OBSL1: variants seen among roughly 807,000 people sequenced by gnomAD.
The protein encoded by OBSL1 is obscurin like cytoskeletal adaptor 1, also known as obscurin-like protein 1.
OBSL1 carries 160 observed loss-of-function variants against 172.0 expected under a neutral mutation model. The observed-to-expected ratio is 0.93, with a 90% confidence interval of 0.82 to 1.06. OBSL1 has a LOEUF of 1.06. Ranked by LOEUF, OBSL1 falls within the 50% of genes least tolerant of loss-of-function variation. The pLI, the probability that OBSL1 is intolerant of heterozygous loss-of-function variation, is 0.00. For synonymous variants in OBSL1, 1,200 were observed against 1,196.3 expected (o/e 1.00, Z -0.06); for missense variants, 2,681 against 2,715.4 (o/e 0.99, Z 0.28).
intron 9 of OBSL1, 47 bp from the exon 10 acceptor site, chr2:219,558,506 C>T (rs1696211801): frequency 6.7e-7 from 1 of 1,493,524 alleles, no homozygotes; most frequent in African/African-American, 1.4e-5. Context: ...GCCAGCAGGC[C>T]TCTCCTGCCT....
rs1374131088 is a variant in OBSL1, at chr2:219,552,991, G to A, written c.5023C>T (p.Arg1675Trp). ...CGGCGCGTGCCGAGGGCCTGGAGCC[G>A]GAGCCGCGGGCTAGGCGTAAGCGCG... ...GNALTPSPRL[R>W]LQALGTRRLL... Residue 1675 changes from arginine to tryptophan, a missense_variant, in exon 17 of 21, where the codon CGG becomes TGG. This residue lies in a region of OBSL1 where 1,765 missense variants were observed against 1,748.3 expected (regional missense o/e 1.01). Coordinates refer to ENST00000404537, the MANE Select transcript of OBSL1 (RefSeq NM_015311.3). 1.3e-6 allele frequency: 2 copies of A among 1,527,114 alleles called. No individual in the cohort carries two copies. The highest frequency in any genetic ancestry group is 8.8e-7 in the Non-Finnish European group (1 of 1,142,008). 94.6% of individuals were successfully genotyped at this position (1,527,114 alleles called of 1,614,324 possible).
At chr2:219,570,145 C>T in intron 1 of OBSL1, 76 bp downstream of exon 1, 3 of 1,307,732 alleles carry the variant, frequency 2.3e-6, no homozygotes, top group Non-Finnish European at 1.0e-6. Context: ...CAGCGCTGGG[C>T]ACCGAGGAGG....
rs1237430328 is a variant in OBSL1 at position 219,553,027 on chromosome 2, A to G, written c.4990-3T>C. On this transcript the variant is annotated splice_region_variant and splice_polypyrimidine_tract_variant and intron_variant, in intron 16 of 20. Transcript: ENST00000404537. ...CTAGGCGTAAGCGCGTTCCCGTCCT[A>G]GGGGCGGGAGTTGCAGAGGGTCGGG... The G allele has an allele frequency of 6.7e-7, 1 of 1,501,032 alleles. No individual in the cohort carries two copies. Among genetic ancestry groups the G allele is most frequent in the South Asian group, 1.3e-5 (1 of 78,766 alleles). The allele number at this position is 1,501,032 out of a possible 1,614,324, so 93.0% of individuals were successfully genotyped here.
Position 219,556,610 on chromosome 2 carries a change from G to C in OBSL1, c.4180C>G (p.Arg1394Gly), listed in dbSNP as rs774897790. 9 of 1,613,972 alleles carry C rather than the reference G, an allele frequency of 5.6e-6. No individual in the cohort carries two copies. The highest frequency in any genetic ancestry group is 7.6e-6 in the Non-Finnish European group (9 of 1,179,890). Residue 1394 changes from arginine (R) to glycine (G), a missense_variant, in exon 13 of 21, where the codon CGC (arginine) becomes GGC (glycine). Physicochemically the swap from Arg to Gly is moderately radical, Grantham distance 125 (BLOSUM62 -2). This residue lies in a region of OBSL1 where 1,765 missense variants were observed against 1,748.3 expected (regional missense o/e 1.01). Coordinates refer to ENST00000404537, the MANE Select transcript of OBSL1 (RefSeq NM_015311.3). ...CCTGGAGTGACGACGGCCCCATTGC[G>C]CAGCCAGGTGACATCGGCATCTGGT... ...SPPDADVTWL[R>G]NGAVVTPGPQ... is the part of the protein sequence containing the mutation.
chr2:219,554,568 G>A lies in OBSL1; in HGVS notation c.4782C>T (p.His1594=). 6.2e-7 allele frequency: 1 copy of A among 1,613,470 alleles called. No individual in the cohort carries two copies. Among genetic ancestry groups the A allele is most frequent in the South Asian group, 1.1e-5 (1 of 91,078 alleles). ...KCHIHSDGHR[H]RLVLNGLGLA... is the part of the protein sequence containing the mutation. ...GGCCCAGGCCATTGAGTACCAGTCG[G>A]TGACGGTGGCCGTCCGAGTGGATGT... Residue 1594 remains histidine, a synonymous_variant, in exon 15 of 21, where the codon CAC becomes CAT. Transcript: ENST00000404537.
chr2:219,571,208 C>T lies in OBSL1; in HGVS notation c.25G>A (p.Gly9Arg), dbSNP rs1172088321. Residue 9 changes from glycine (G) to arginine (R), a missense_variant, in exon 1 of 21, where the codon GGG becomes AGG. Around this residue, in one of 5 missense-constraint regions of OBSL1, gnomAD observed 90 missense variants for 76.6 expected, o/e 1.18. Coordinates refer to ENST00000404537, the MANE Select transcript of OBSL1 (RefSeq NM_015311.3). Reference sequence around the variant, plus strand: ...AAGCGCAGGAAGCACGGGGGGCTCCCCTGATCCCCCGAGCTCGCCTTCATC... The same window carrying T: ...AAGCGCAGGAAGCACGGGGGGCTCCTCTGATCCCCCGAGCTCGCCTTCATC... The part of the protein sequence containing the change: MKASSGDQ[G>R]SPPCFLRFPR... The T allele has an allele frequency of 1.4e-6, 2 of 1,425,760 alleles. No homozygotes were observed. The highest frequency in any genetic ancestry group is 1.5e-5 in the African/African-American group (1 of 68,508). The allele number at this position is 1,425,760 out of a possible 1,614,324, so 88.3% of individuals were successfully genotyped here. A position where few individuals can be genotyped will look rare whatever the true frequency, so the allele number is the denominator to read the frequency against.
downstream of OBSL1, chr2:219,547,395 G>T (rs866298608): frequency 5.9e-5 from 50 of 849,030 alleles, no homozygotes; most frequent in South Asian, 4.4e-4. Flanking sequence ...TCTGATCTTA[G>T]TGTCTTTGTC....
chr2:219,557,378 G>T lies in OBSL1; in HGVS notation c.4031C>A (p.Pro1344His). ...GDAGEYLCDAPQDSRIFLVSV... is the reference protein window; with the variant it reads ...GDAGEYLCDAHQDSRIFLVSV... Reference sequence around the variant, plus strand: ...GACAAGGAAGATGCGGCTGTCCTGGGGCGCATCGCACAGGTACTCCCCAGC... The same window carrying T: ...GACAAGGAAGATGCGGCTGTCCTGGTGCGCATCGCACAGGTACTCCCCAGC... The change falls in exon 12 of 21, where the codon CCC becomes CAC. Residue 1344 changes from proline to histidine, a missense_variant. Around this residue, in one of 5 missense-constraint regions of OBSL1, gnomAD observed 1,765 missense variants for 1,748.3 expected, o/e 1.01. Coordinates refer to ENST00000404537, the MANE Select transcript of OBSL1 (RefSeq NM_015311.3). 1 of 1,530,628 alleles carries T rather than the reference G, an allele frequency of 6.5e-7. No individual in the cohort carries two copies. Among genetic ancestry groups the T allele is most frequent in the Non-Finnish European group, 8.8e-7 (1 of 1,135,438 alleles). The allele number at this position is 1,530,628 out of a possible 1,614,324, so 94.8% of individuals were successfully genotyped here. A position where few individuals can be genotyped will look rare whatever the true frequency, so the allele number is the denominator to read the frequency against.
chr2:219,551,120 C>T lies in OBSL1; in HGVS notation c.5684-278G>A, dbSNP rs537272397. On this transcript the variant is annotated intron_variant, in intron 20 of 20. Coordinates refer to ENST00000404537, the MANE Select transcript of OBSL1 (RefSeq NM_015311.3). ...AGAAAGAGGCTTCTGCCAAGGCTGA[C>T]ATGGAACTTGCTGAGATGGGCAGAG... The T allele has an allele frequency of 1.4e-4, 199 of 1,400,192 alleles. 4 individuals carry two copies. In the South Asian group the frequency reaches 3.0e-3, roughly 21 times the overall value. 86.7% of individuals were successfully genotyped at this position (1,400,192 alleles called of 1,614,324 possible).
chr2:219,570,356 G>A lies in OBSL1; in HGVS notation c.877C>T (p.Leu293Phe). ...CCGCCGTCGCGGTCGCGGTACATGA[G>A]GCGGCGGCGGTCCGGGAGCAGCGGG... ...GRPLLPDRRR[L>F]MYRDRDGGFV... The change falls in exon 1 of 21, where the codon CTC becomes TTC. Residue 293 changes from leucine to phenylalanine, a missense_variant. By Grantham distance (22) the Leu-to-Phe change is conservative. Around this residue, in one of 5 missense-constraint regions of OBSL1, gnomAD observed 706 missense variants for 695.8 expected, o/e 1.01. Coordinates refer to ENST00000404537, the MANE Select transcript of OBSL1 (RefSeq NM_015311.3). 6.2e-7 allele frequency: 1 copy of A among 1,612,860 alleles called. No homozygotes were observed.
intron 8 of OBSL1, chr2:219,562,026 C>T (rs1696514309): frequency 1.4e-6 from 1 of 717,322 alleles, no homozygotes; most frequent in Non-Finnish European, 2.6e-6. Flanking sequence ...CCAAACAAAG[C>T]ACATGTGTGG....
rs555866704 is a variant in OBSL1, at chr2:219,555,132, C to T, written c.4610-392G>A. On this transcript the variant is annotated intron_variant, in intron 14 of 20. Coordinates refer to ENST00000404537, the MANE Select transcript of OBSL1 (RefSeq NM_015311.3). ...TGACCTCTCTGGACCCCAGTTGCCC[C>T]AGCTGTACAAGGTGAATAACATTGG... 2.7e-5 allele frequency: 6 copies of T among 223,800 alleles called. No individual in the cohort carries two copies. In the South Asian group the frequency reaches 3.7e-4, roughly 14 times the overall value. The allele number at this position is 223,800 out of a possible 1,614,324, so 13.9% of individuals were successfully genotyped here.
In OBSL1 at chr2:219,563,482, G is replaced by T; in HGVS notation, c.2553C>A (p.Asp851Glu). ...YKDGQEVEES[D>E]FVVLENEGPH... The stretch of plus-strand genomic sequence containing the variant: ...GCCCCTCATTCTCCAGCACCACGAA[G>T]TCACTCTCCTCCACCTCCTGCCCGT... The change falls in exon 7 of 21, where the codon GAC becomes GAA. Residue 851 changes from aspartate (D) to glutamate (E), a missense_variant. By Grantham distance (45) the Asp-to-Glu change is conservative. Around this residue, in one of 5 missense-constraint regions of OBSL1, gnomAD observed 1,765 missense variants for 1,748.3 expected, o/e 1.01. Coordinates refer to ENST00000404537, the MANE Select transcript of OBSL1 (RefSeq NM_015311.3). 2.5e-6 allele frequency: 4 copies of T among 1,613,930 alleles called. No individual in the cohort carries two copies. The South Asian group carries it at 4.4e-5, about 18-fold the overall frequency.
chr2:219,558,114 G>A lies in OBSL1; in HGVS notation c.3503-4C>T. On this transcript the variant is annotated splice_region_variant and splice_polypyrimidine_tract_variant and intron_variant, in intron 10 of 20. Coordinates refer to ENST00000404537, the MANE Select transcript of OBSL1 (RefSeq NM_015311.3). ...GCAAGGAACTGCACTGGAGGCTCTG[G>A]AGAAGAGAGGAAGGTGTCATCCCAT... 1 of 1,613,128 alleles carries A rather than the reference G, an allele frequency of 6.2e-7. No individual in the cohort carries two copies. The highest frequency in any genetic ancestry group is 8.5e-7 in the Non-Finnish European group (1 of 1,179,546).
chr2:219,570,674 C>G lies in OBSL1; in HGVS notation c.559G>C (p.Gly187Arg), dbSNP rs1295872822. Residue 187 changes from glycine (G) to arginine (R), a missense_variant, in exon 1 of 21, where the codon GGC becomes CGC. By Grantham distance (125) the Gly-to-Arg change is moderately radical. Coordinates refer to ENST00000404537, the MANE Select transcript of OBSL1 (RefSeq NM_015311.3). ...FALQPGRAED[G>R]PGASLALRIL... ...CGCAGTGCCAGGCTCGCGCCGGGGC[C>G]GTCCTCGGCGCGGCCCGGCTGGAGC... 6 of 1,508,018 alleles carry G rather than the reference C, an allele frequency of 4.0e-6. No homozygotes were observed. In the South Asian group the frequency reaches 4.9e-5, roughly 12 times the overall value. The allele number at this position is 1,508,018 out of a possible 1,614,324, so 93.4% of individuals were successfully genotyped here. A position where few individuals can be genotyped will look rare whatever the true frequency, so the allele number is the denominator to read the frequency against.
At position 219,552,669 on chromosome 2, in the gene OBSL1, C is replaced by G; in HGVS notation, c.5175G>C (p.Leu1725=). Reference sequence around the variant, plus strand: ...CGCCTTCGCGGGCGCTCACCGACCGCAGCTCGGAGAGTACCGCCACAGTAC... The same window carrying G: ...CGCCTTCGCGGGCGCTCACCGACCGGAGCTCGGAGAGTACCGCCACAGTAC... ...RERTVAVLSE[L]RSVSAREGDG... The change falls in exon 18 of 21, where the codon CTG becomes CTC. Residue 1725 remains leucine, a synonymous_variant. Coordinates refer to ENST00000404537, the MANE Select transcript of OBSL1 (RefSeq NM_015311.3). 1 of 1,537,908 alleles carries G rather than the reference C, an allele frequency of 6.5e-7. No individual in the cohort carries two copies. Among genetic ancestry groups the G allele is most frequent in the Non-Finnish European group, 8.7e-7 (1 of 1,145,748 alleles).
intron 9 of OBSL1, among the ~76,000 whole-genome samples, chr2:219,558,918 C>T (rs1189268359): frequency 6.6e-6 from 1 of 152,198 alleles, no homozygotes; most frequent in Non-Finnish European, 1.5e-5. Flanking sequence ...TCTGTGAAGA[C>T]AAGAGGTTTA....
In OBSL1 at chr2:219,554,503, A is replaced by C. The variant is rs766718073; in HGVS notation, c.4847T>G (p.Leu1616Arg). 8.1e-6 allele frequency: 13 copies of C among 1,613,148 alleles called. No homozygotes were observed. The highest frequency in any genetic ancestry group is 1.1e-5 in the Non-Finnish European group (13 of 1,179,884). Residue 1616 changes from leucine (L) to arginine (R), a missense_variant, in exon 15 of 21, where the codon CTG becomes CGG. Physicochemically the swap from Leu to Arg is moderately radical, Grantham distance 102 (BLOSUM62 -2). This residue lies in a region of OBSL1 where 1,765 missense variants were observed against 1,748.3 expected (regional missense o/e 1.01). Coordinates refer to ENST00000404537, the MANE Select transcript of OBSL1 (RefSeq NM_015311.3). Reference sequence around the variant, plus strand: ...CACAATGAGTCTGGCTGCGCAGCGCAGGGAATCCGCTGTGAAGGAGACACA... The same window carrying C: ...CACAATGAGTCTGGCTGCGCAGCGCCGGGAATCCGCTGTGAAGGAGACACA... ...SGCVSFTADS[L>R]RCAARLIVRE...
chr2:219,565,102 T>G, intron 6 of OBSL1, 140 bp downstream of exon 6: 1 of 839,734 alleles, frequency 1.2e-6, no homozygotes. Flanking sequence ...AAGTGCAGAG[T>G]TATCTGAAAC....
Sources: gnomAD v4.1 joint callset for allele counts (sites outside exome capture counted in the v4.1 genomes callset) on GRCh38, gnomAD v4.1.1 for gene constraint, gnomAD v4.1.1 regional missense constraint, MANE v1.5 for transcripts, NCBI Gene and HGNC (gene_info 2026-07-23, HGNC 2026-07-21) for gene names.